SMAD9: variants seen among roughly 807,000 people sequenced by gnomAD.
SMAD9 encodes the protein MAD homolog 9.
Under a neutral mutation model 46.1 loss-of-function variants are expected in SMAD9, and 36 were observed. That is an observed-to-expected ratio of 0.78 (90% confidence interval 0.60 to 1.03). SMAD9 has a LOEUF of 1.03. SMAD9 is among the 50% of genes least tolerant of loss of function. SMAD9 has a pLI of 0.00. For synonymous variants in SMAD9, 245 were observed against 237.1 expected (o/e 1.03, Z -0.31); for missense variants, 572 against 599.8 (o/e 0.95, Z 0.48).
At chr13:36,908,530 A>C (rs2058635934) in intron 1 of SMAD9, among the ~76,000 whole-genome samples, 1 of 152,222 alleles carries the variant, frequency 6.6e-6, no homozygotes, top group Non-Finnish European at 1.5e-5. Context: ...CTGGAATAGG[A>C]ATATAACAGA....
At chr13:36,876,003 A>G (rs1370019877) in intron 2 of SMAD9, among the ~76,000 whole-genome samples, 1 of 152,168 alleles carries the variant, frequency 6.6e-6, no homozygotes, top group Admixed American at 6.5e-5. Flanking sequence ...CGTTGCCTTA[A>G]ATGTGCACTG....
chr13:36,855,496 G>C (rs950919344), intron 5 of SMAD9, among the ~76,000 whole-genome samples: 4 of 152,140 alleles, frequency 2.6e-5, no homozygotes, highest in African/African-American at 9.7e-5. Flanking sequence ...TCCAGCACTA[G>C]AAGTCAATGT....
intron 2 of SMAD9, 33 bp from the exon 3 acceptor site, chr13:36,872,948 T>C (rs997355809): frequency 1.2e-6 from 2 of 1,612,724 alleles, no homozygotes; most frequent in African/African-American, 2.7e-5. Context: ...CAGTTAGAAT[T>C]GAACATTGCT....
intron 3 of SMAD9, 52 bp downstream of exon 3, chr13:36,872,606 G>A: frequency 2.5e-6 from 4 of 1,588,828 alleles, no homozygotes; most frequent in Non-Finnish European, 3.5e-6. Flanking sequence ...CATAAATCAT[G>A]ATGTTGGGCT....
At chr13:36,890,700 G>A (rs2058482484) in intron 1 of SMAD9, among the ~76,000 whole-genome samples, 1 of 152,054 alleles carries the variant, frequency 6.6e-6, no homozygotes, top group South Asian at 2.1e-4. Flanking sequence ...GAGTCTGGAT[G>A]CCCTTTTTAA....
At chr13:36,853,188 G>A (rs1001648111) in intron 6 of SMAD9, among the ~76,000 whole-genome samples, 10 of 152,066 alleles carry the variant, frequency 6.6e-5, no homozygotes, top group African/African-American at 1.4e-4. Context: ...GGGAGGCTGA[G>A]GTAGGAAAAT....
chr13:36,893,573 A>C (rs1057496693), intron 1 of SMAD9, among the ~76,000 whole-genome samples: 1 of 151,500 alleles, frequency 6.6e-6, no homozygotes, highest in African/African-American at 2.4e-5. Context: ...TGACGAAATA[A>C]TCTTACAATT....
chr13:36,911,439 T>A (rs552384595), intron 1 of SMAD9, among the ~76,000 whole-genome samples: 1 of 152,328 alleles, frequency 6.6e-6, no homozygotes, highest in East Asian at 1.9e-4. Flanking sequence ...TTCCTATGCA[T>A]AGTCTATCTA....
chr13:36,914,597 C>A (rs562395710), intron 1 of SMAD9, among the ~76,000 whole-genome samples: 2 of 152,308 alleles, frequency 1.3e-5, no homozygotes, highest in South Asian at 2.1e-4. Context: ...AACTCCAATT[C>A]TCTCACTGTG....
chr13:36,910,421 A>G (rs2058652326), intron 1 of SMAD9, among the ~76,000 whole-genome samples: 1 of 152,072 alleles, frequency 6.6e-6, no homozygotes, highest in Non-Finnish European at 1.5e-5. Context: ...GTCCAAACCC[A>G]CAGAATGTAC....
chr13:36,875,880 A>G (rs1399442760), intron 2 of SMAD9, among the ~76,000 whole-genome samples: 1 of 152,234 alleles, frequency 6.6e-6, no homozygotes, highest in Non-Finnish European at 1.5e-5. Context: ...TCCCTTTATC[A>G]TAACAACTAT....
At chr13:36,893,334 G>A (rs894458942) in intron 1 of SMAD9, among the ~76,000 whole-genome samples, 10 of 150,268 alleles carry the variant, frequency 6.7e-5, no homozygotes, top group African/African-American at 2.4e-4. Context: ...ATGTCCTACT[G>A]GATCATAGTT....
At chr13:36,886,134 CAT>C (rs1209397082) in intron 1 of SMAD9, among the ~76,000 whole-genome samples, 8 of 152,322 alleles carry the variant, frequency 5.3e-5, no homozygotes, top group Non-Finnish European at 5.9e-5. Flanking sequence ...CCCCACTTGA[CAT>C]GTGAGGAAAC....
At chr13:36,900,688 C>CACAG (rs1246153149) in intron 1 of SMAD9, among the ~76,000 whole-genome samples, 4 of 39,578 alleles carry the variant, frequency 1.0e-4, no homozygotes, top group African/African-American at 6.5e-4. Flanking sequence ...TATGACTACA[C>CACAG]ACACACACAC....
chr13:36,875,692 A>T (rs1425153919), intron 2 of SMAD9, among the ~76,000 whole-genome samples: 1 of 152,228 alleles, frequency 6.6e-6, no homozygotes, highest in African/African-American at 2.4e-5. Context: ...GTAAACACTC[A>T]CTTCTTTATG....
chr13:36,870,568 T>C lies in SMAD9; in HGVS notation c.670+2090A>G, dbSNP rs533444358. 4.6e-5 allele frequency among the ~76,000 whole-genome samples: 6 copies of C among 130,800 alleles called. No individual in the cohort carries two copies. The East Asian group carries it at 1.2e-3, about 25-fold the overall frequency. The allele number at this position is 130,800 out of a possible 152,430, so 85.8% of individuals were successfully genotyped here. A position where few individuals can be genotyped will look rare whatever the true frequency, so the allele number is the denominator to read the frequency against. ...CCTGGACTGCTACAGGCTACCTGTA[T>C]GTGATGGCTCTCAATAGCTACTGAC... is the stretch of plus-strand genomic sequence containing the variant. On this transcript the variant is annotated intron_variant, in intron 3 of 6. Transcript: ENST00000379826.
chr13:36,865,404 CAG>C, intron 5 of SMAD9, 131 bp downstream of exon 5: 1 of 730,432 alleles, frequency 1.4e-6, no homozygotes, highest in Non-Finnish European at 2.5e-6. Flanking sequence ...AGAGCTATCT[CAG>C]AGCTCACCAG....
chr13:36,900,684 TACACACACACACACACACAC>T (rs58756918), intron 1 of SMAD9, among the ~76,000 whole-genome samples: 9 of 142,788 alleles, frequency 6.3e-5, no homozygotes, highest in African/African-American at 2.1e-4. Context: ...TCATTATGAC[TACACACACACACACACACAC>T]ACACACACAC....
intron 1 of SMAD9, among the ~76,000 whole-genome samples, chr13:36,909,054 A>G (rs2058640338): frequency 6.6e-6 from 1 of 152,138 alleles, no homozygotes; most frequent in African/African-American, 2.4e-5. Flanking sequence ...TCTCTTGGCC[A>G]CTCGTACAGT....
Sources: gnomAD v4.1 joint callset for allele counts (sites outside exome capture counted in the v4.1 genomes callset) on GRCh38, gnomAD v4.1.1 for gene constraint, MANE v1.5 for transcripts, NCBI Gene and HGNC (gene_info 2026-07-23, HGNC 2026-07-21) for gene names.